CGNL1: variants seen among roughly 807,000 people sequenced by gnomAD.
The protein encoded by CGNL1 is cingulin like 1, also known as cingulin-like protein 1.
CGNL1 carries 132 observed loss-of-function variants against 141.2 expected under a neutral mutation model. The observed-to-expected ratio is 0.93, with a 90% CI of 0.81 to 1.08. The LOEUF is 1.08. Ranked by LOEUF, CGNL1 falls within the 50% of genes least tolerant of loss-of-function variation. The pLI, the probability that CGNL1 is intolerant of heterozygous loss-of-function variation, is 0.00. For synonymous variants in CGNL1, 690 were observed against 622.1 expected (o/e 1.11, Z -1.63); for missense variants, 1,870 against 1,588.6 (o/e 1.18, Z -3.01).
At chr15:57,445,575 G>A (rs1208924347) in intron 4 of CGNL1, among the ~76,000 whole-genome samples, 1 of 152,148 alleles carries the variant, frequency 6.6e-6, no homozygotes. Flanking sequence ...TCCCTCACTG[G>A]GTTGGATTTC....
intron 1 of CGNL1, among the ~76,000 whole-genome samples, chr15:57,420,406 A>G (rs60317122): frequency 1.1e-4 from 17 of 152,314 alleles, no homozygotes; most frequent in Admixed American, 5.2e-4. Flanking sequence ...ACATGAGTTC[A>G]TACTGATGTC....
intron 1 of CGNL1, among the ~76,000 whole-genome samples, chr15:57,428,124 G>C (rs1424681905): frequency 1.3e-5 from 2 of 152,240 alleles, no homozygotes; most frequent in Non-Finnish European, 2.9e-5. Context: ...GCCGAGGAGT[G>C]ACACTTCCAC....
At position 57,544,466 on chromosome 15, in the gene CGNL1, G is replaced by A; in HGVS notation, c.3376-7G>A. On this transcript the variant is annotated splice_polypyrimidine_tract_variant and splice_region_variant and intron_variant, in intron 15 of 18. Coordinates refer to ENST00000281282, the MANE Select transcript of CGNL1 (RefSeq NM_032866.5). Reference sequence around the variant, plus strand: ...TAGCCCCTCACAGTCTCCCTGTGTTGTTCCAGAACAAGGACTTAAAGAGCC... The same window carrying A: ...TAGCCCCTCACAGTCTCCCTGTGTTATTCCAGAACAAGGACTTAAAGAGCC... 1.2e-6 allele frequency: 2 copies of A among 1,614,048 alleles called. No individual in the cohort carries two copies. The highest frequency in any genetic ancestry group is 1.7e-6 in the Non-Finnish European group (2 of 1,179,982).
chr15:57,445,085 G>A (rs1306103630), intron 4 of CGNL1, among the ~76,000 whole-genome samples: 1 of 152,086 alleles, frequency 6.6e-6, no homozygotes, highest in Admixed American at 6.6e-5. Context: ...AATGTAGTGA[G>A]ACCCTGTCTC....
At position 57,398,017 on chromosome 15, in the gene CGNL1, G is replaced by A. The variant is rs548255550; in HGVS notation, c.-16+21450G>A. On this transcript the variant is annotated intron_variant, in intron 1 of 18. Coordinates refer to ENST00000281282, the MANE Select transcript of CGNL1 (RefSeq NM_032866.5). ...AGGCTGGTCTTGAACTCCTGACCTC[G>A]AGATGCGCCTGCCTCAGCTTCCCAA... is the stretch of plus-strand genomic sequence containing the variant. 2.6e-5 allele frequency among the ~76,000 whole-genome samples: 4 copies of A among 152,198 alleles called. No homozygotes were observed. In the East Asian group the frequency reaches 7.7e-4, roughly 29 times the overall value.
At chr15:57,533,346 A>G (rs779897752) in intron 14 of CGNL1, among the ~76,000 whole-genome samples, 12 of 152,206 alleles carry the variant, frequency 7.9e-5, no homozygotes, top group Non-Finnish European at 1.5e-4. Flanking sequence ...CATCTCCTCT[A>G]CTGCCCGCCA....
intron 1 of CGNL1, among the ~76,000 whole-genome samples, chr15:57,416,790 C>A (rs935330): frequency 0.95 from 144,781 of 152,218 alleles, 69,226 homozygotes; most frequent in East Asian, 1. Flanking sequence ...TGAGTTCTAA[C>A]AGCTTATTTT....
At chr15:57,435,888 G>A (rs143713710) in intron 1 of CGNL1, among the ~76,000 whole-genome samples, 5 of 152,240 alleles carry the variant, frequency 3.3e-5, no homozygotes, top group South Asian at 2.1e-4. Flanking sequence ...AACATTATCC[G>A]TATATTTGCT....
rs867394037 is a variant in CGNL1, at chr15:57,439,356, G to A, written c.1357G>A (p.Gly453Arg). The A allele has an allele frequency of 4.3e-6, 7 of 1,613,986 alleles. No individual in the cohort carries two copies. Among genetic ancestry groups the A allele is most frequent in the African/African-American group, 2.7e-5 (2 of 74,926 alleles). The change falls in exon 2 of 19, where the codon GGG becomes AGG. Residue 453 changes from glycine (G) to arginine (R), a missense_variant. Coordinates refer to ENST00000281282, the MANE Select transcript of CGNL1 (RefSeq NM_032866.5). ...TGCAAAGCTGCAGGGAGCAGCGCAC[G>A]GGGCTTCATGTGCCCACTCCAGGCC... is the stretch of plus-strand genomic sequence containing the variant. ...TFAKLQGAAH[G>R]ASCAHSRPPQ...
intron 8 of CGNL1, among the ~76,000 whole-genome samples, chr15:57,501,834 C>G (rs1042022878): frequency 2.0e-5 from 3 of 152,132 alleles, no homozygotes; most frequent in Non-Finnish European, 4.4e-5. Context: ...CAGCAGTGCC[C>G]TGACTGCCAC....
chr15:57,412,019 T>G (rs1332907233), intron 1 of CGNL1, among the ~76,000 whole-genome samples: 3 of 152,206 alleles, frequency 2.0e-5, no homozygotes, highest in African/African-American at 7.2e-5. Context: ...GTTCAGAGCT[T>G]CTTGTTGTGT....
intron 8 of CGNL1, among the ~76,000 whole-genome samples, chr15:57,515,924 C>T (rs933757918): frequency 4.0e-5 from 6 of 151,868 alleles, no homozygotes; most frequent in South Asian, 2.1e-4. Flanking sequence ...TTTGGGAGGC[C>T]GAGGCAGACA....
intron 8 of CGNL1, among the ~76,000 whole-genome samples, chr15:57,494,591 G>A (rs781107772): frequency 6.6e-6 from 1 of 152,148 alleles, no homozygotes; most frequent in East Asian, 1.9e-4. Context: ...TTTGGGAATC[G>A]GCCCAATCCC....
At chr15:57,407,287 CCT>C (rs2062734309) in intron 1 of CGNL1, 1 of 152,140 alleles carries the variant, frequency 6.6e-6, no homozygotes, top group African/African-American at 2.4e-5. Context: ...AAAAAAGACT[CCT>C]CATCTGTTTT....
intron 8 of CGNL1, among the ~76,000 whole-genome samples, chr15:57,475,842 C>A (rs71478628): frequency 0.072 from 11,017 of 152,088 alleles, 518 homozygotes; most frequent in Non-Finnish European, 0.095. Flanking sequence ...CTTCACCAGC[C>A]CCCGAGCTAT....
At chr15:57,386,231 A>T (rs1029797387) in intron 1 of CGNL1, among the ~76,000 whole-genome samples, 11 of 152,146 alleles carry the variant, frequency 7.2e-5, no homozygotes, top group Non-Finnish European at 1.6e-4. Flanking sequence ...CCTGCAGAGG[A>T]CATTGGTGGA....
rs2033026884 is a variant in CGNL1, at chr15:57,549,665, A to G, written c.*2175A>G. The G allele has an allele frequency of 6.6e-6, 1 of 152,192 alleles. No individual in the cohort carries two copies. Among genetic ancestry groups the G allele is most frequent in the Non-Finnish European group, 1.5e-5 (1 of 68,042 alleles). The allele number at this position is 152,192 out of a possible 1,614,324, so 9.4% of individuals were successfully genotyped here. ...GCACAGTCCTTGGCACACAGAATAC[A>G]GCAGTGAATTAAACAGGCAAAAATT... On this transcript the variant is annotated 3_prime_UTR_variant, in exon 19 of 19. Transcript: ENST00000281282.
chr15:57,546,487 G>A (rs2032875683), intron 18 of CGNL1, among the ~76,000 whole-genome samples: 1 of 152,168 alleles, frequency 6.6e-6, no homozygotes, highest in East Asian at 1.9e-4. Context: ...TATCATCCCT[G>A]TTGATCATAA....
At chr15:57,518,859 G>A (rs1190642442) in intron 10 of CGNL1, among the ~76,000 whole-genome samples, 1 of 152,238 alleles carries the variant, frequency 6.6e-6, no homozygotes, top group Non-Finnish European at 1.5e-5. Flanking sequence ...CCTCCGTTTA[G>A]ACGTTAAAGA....
Sources: allele counts gnomAD v4.1 joint callset (sites outside exome capture counted in the v4.1 genomes callset), GRCh38; gene constraint gnomAD v4.1.1; transcripts MANE v1.5; gene names NCBI Gene and HGNC (gene_info 2026-07-23, HGNC 2026-07-21).